FNBP1: variants seen among roughly 807,000 people sequenced by gnomAD.
FNBP1 encodes formin binding protein 1, also known as formin-binding protein 1.
In FNBP1, 26 loss-of-function variants were observed where a neutral mutation model predicts 90.6. The observed-to-expected ratio is 0.29, with a 90% CI of 0.21 to 0.40. FNBP1 has a LOEUF of 0.40. Ranked by LOEUF, FNBP1 falls within the 10% of genes least tolerant of loss-of-function variation. The probability of loss-of-function intolerance (pLI) is 1.00; values close to 1 mark genes in which losing one functional copy is unlikely to be tolerated. For synonymous variants in FNBP1, 260 were observed against 265.2 expected, an observed-to-expected ratio of 0.98 and a Z score of 0.19; for missense variants, 635 against 768.0, an observed-to-expected ratio of 0.83 and a Z score of 2.05.
intron 6 of FNBP1, among the ~76,000 whole-genome samples, chr9:129,934,074 G>A (rs1187707480): frequency 6.6e-6 from 1 of 152,102 alleles, no homozygotes; most frequent in South Asian, 2.1e-4. Context: ...ACTTATTTGG[G>A]ATAACAGTTA....
chr9:129,991,588 T>C (rs1010907320), intron 2 of FNBP1, among the ~76,000 whole-genome samples: 9 of 152,020 alleles, frequency 5.9e-5, no homozygotes, highest in African/African-American at 2.2e-4. Context: ...GATTTTTAAG[T>C]TGGGGAGATC....
At chr9:130,033,569 G>GGCTCAC (rs1486056359) in intron 1 of FNBP1, among the ~76,000 whole-genome samples, 6 of 152,166 alleles carry the variant, frequency 3.9e-5, no homozygotes, top group African/African-American at 7.2e-5. Context: ...CAGGCATGGT[G>GGCTCAC]GCTCACGCCT....
intron 1 of FNBP1, among the ~76,000 whole-genome samples, chr9:130,035,501 C>A (rs1314322640): frequency 6.6e-6 from 1 of 152,212 alleles, no homozygotes; most frequent in Non-Finnish European, 1.5e-5. Flanking sequence ...ATCTAAGCCT[C>A]TTCTTCCAGG....
At position 129,965,315 on chromosome 9, in the gene FNBP1, T is replaced by C. The variant is rs544582023; in HGVS notation, c.346-6762A>G. On this transcript the variant is annotated intron_variant, in intron 4 of 16. Coordinates refer to ENST00000446176, the MANE Select transcript of FNBP1 (RefSeq NM_015033.3). ...GTTTATCCATAGTAAAAATACCTTCTTAATGAACGTGTTCGAAGTTTTCTA... is the reference window on the plus strand; with the variant it reads ...GTTTATCCATAGTAAAAATACCTTCCTAATGAACGTGTTCGAAGTTTTCTA... Among the ~76,000 whole-genome samples the C allele has an allele frequency of 5.3e-5, 8 of 152,346 alleles. No homozygotes were observed. In the South Asian group the frequency reaches 1.7e-3, roughly 32 times the overall value.
intron 7 of FNBP1, 64 bp downstream of exon 7, chr9:129,929,503 A>C: frequency 6.8e-7 from 1 of 1,473,156 alleles, no homozygotes; most frequent in South Asian, 1.2e-5. Context: ...ACGATTCAGA[A>C]GTGTCATGTT....
chr9:130,026,049 A>G (rs1374505798), intron 1 of FNBP1, among the ~76,000 whole-genome samples: 2 of 152,188 alleles, frequency 1.3e-5, no homozygotes, highest in Non-Finnish European at 2.9e-5. Context: ...CACTATCATT[A>G]TCTCCATTTT....
rs1045884853 is a variant in FNBP1, at chr9:129,888,335, C to G, written c.*2204G>C. ...GTGGAGTGGAGAGTGGTCCACTTGA[C>G]TTGGTGAGGTCAGAAGTTCCTGAAG... On this transcript the variant is annotated 3_prime_UTR_variant, in exon 17 of 17. Coordinates refer to ENST00000446176, the MANE Select transcript of FNBP1 (RefSeq NM_015033.3). 11 of 232,694 alleles carry G rather than the reference C, an allele frequency of 4.7e-5. No individual in the cohort carries two copies. Among genetic ancestry groups the G allele is most frequent in the African/African-American group, 2.0e-4 (9 of 45,432 alleles). 14.4% of individuals were successfully genotyped at this position (232,694 alleles called of 1,614,324 possible). A position where few individuals can be genotyped will look rare whatever the true frequency, so the allele number is the denominator to read the frequency against.
intron 1 of FNBP1, among the ~76,000 whole-genome samples, chr9:130,012,507 T>C (rs1322142939): frequency 1.3e-5 from 2 of 152,166 alleles, no homozygotes; most frequent in African/African-American, 2.4e-5. Flanking sequence ...CTTTTAAAAA[T>C]ATACAAAAAC....
Position 129,957,447 on chromosome 9 carries a change from T to C in FNBP1, c.426A>G (p.Glu142=). 4 of 1,613,416 alleles carry C rather than the reference T, an allele frequency of 2.5e-6. No individual in the cohort carries two copies. The highest frequency in any genetic ancestry group is 1.7e-4 in the Middle Eastern group (1 of 6,058). Reference sequence around the variant, plus strand: ...CCCTGTCCGCCTCTTTGCAATCGCGTTCAAATCGCCTTTTACTCTAAAATC... The same window carrying C: ...CCCTGTCCGCCTCTTTGCAATCGCGCTCAAATCGCCTTTTACTCTAAAATC... ...KQLESSKRRF[E]RDCKEADRAQ... The change falls in exon 6 of 17, where the codon GAA becomes GAG. Residue 142 remains glutamate, a synonymous_variant. Coordinates refer to ENST00000446176, the MANE Select transcript of FNBP1 (RefSeq NM_015033.3). The surrounding 1 kb of genome is among the most constrained non-coding windows in gnomAD (Gnocchi z 4.3).
chr9:129,991,023 TCC>T (rs1367890825), intron 2 of FNBP1, among the ~76,000 whole-genome samples: 11 of 148,644 alleles, frequency 7.4e-5, no homozygotes, highest in African/African-American at 2.5e-4. Context: ...AACTTCTGCC[TCC>T]TGGGTTCAAG....
chr9:130,005,388 C>T (rs1252566912), intron 1 of FNBP1, among the ~76,000 whole-genome samples: 2 of 141,770 alleles, frequency 1.4e-5, no homozygotes, highest in African/African-American at 5.3e-5. Context: ...GTTGCACAGG[C>T]TGGAGTGCAG....
intron 10 of FNBP1, among the ~76,000 whole-genome samples, chr9:129,920,266 A>G (rs2040883168): frequency 6.6e-6 from 1 of 152,174 alleles, no homozygotes. Context: ...AAATCATCAA[A>G]AGAACCAGTT....
intron 12 of FNBP1, among the ~76,000 whole-genome samples, chr9:129,904,092 T>C (rs1445932693): frequency 6.6e-6 from 1 of 152,168 alleles, no homozygotes; most frequent in African/African-American, 2.4e-5. Flanking sequence ...TGTGCATTCT[T>C]CATGCAAACC....
intron 2 of FNBP1, among the ~76,000 whole-genome samples, chr9:129,984,062 T>A (rs1178515202): frequency 6.6e-6 from 1 of 152,044 alleles, no homozygotes; most frequent in Non-Finnish European, 1.5e-5. Context: ...TAAAAATGAC[T>A]TACTCGGCCC....
At chr9:130,009,235 C>A (rs1301177307) in intron 1 of FNBP1, among the ~76,000 whole-genome samples, 1 of 152,194 alleles carries the variant, frequency 6.6e-6, no homozygotes, top group Non-Finnish European at 1.5e-5. Context: ...GATGGCTCTG[C>A]AAACACATAG....
intron 6 of FNBP1, among the ~76,000 whole-genome samples, chr9:129,952,452 C>T (rs2046329246): frequency 1.3e-5 from 2 of 150,842 alleles, no homozygotes; most frequent in Non-Finnish European, 3.0e-5. Context: ...GAGTGGAGAT[C>T]ATGCCACTGC....
At chr9:129,973,817 CTTTTT>C (rs1210959601) in intron 4 of FNBP1, among the ~76,000 whole-genome samples, 1 of 125,976 alleles carries the variant, frequency 7.9e-6, no homozygotes, top group African/African-American at 2.9e-5. Flanking sequence ...CTTTTTTTTT[CTTTTT>C]TTTTTTGAGA....
At chr9:130,023,988 C>A (rs932978350) in intron 1 of FNBP1, among the ~76,000 whole-genome samples, 8 of 152,174 alleles carry the variant, frequency 5.3e-5, no homozygotes, top group African/African-American at 1.9e-4. Context: ...TCGGCCACAT[C>A]TGAAGAATCA....
At chr9:130,028,028 C>T (rs74704993) in intron 1 of FNBP1, among the ~76,000 whole-genome samples, 3,778 of 152,214 alleles carry the variant, frequency 0.025, 63 homozygotes, top group Non-Finnish European at 0.036. Flanking sequence ...CTGGGCCTCC[C>T]GGAAAAACCA....
Sources: gnomAD v4.1 joint callset for allele counts (sites outside exome capture counted in the v4.1 genomes callset) on GRCh38, gnomAD v4.1.1 for gene constraint, Gnocchi (gnomAD v3.1) non-coding constraint, MANE v1.5 for transcripts, NCBI Gene and HGNC (gene_info 2026-07-23, HGNC 2026-07-21) for gene names.